Variants in CDK10 observed in about 807,000 individuals in gnomAD.
CDK10 encodes the protein cyclin dependent kinase 10.
A neutral mutation model predicts 51.0 loss-of-function variants in CDK10; 55 were observed. The ratio of observed to expected loss-of-function variants is 1.08; its 90% CI spans 0.87 to 1.35. The LOEUF (loss-of-function observed/expected upper bound fraction) is 1.35. Ranked by LOEUF, CDK10 falls within the 40% of genes most tolerant of loss-of-function variation. The pLI, the probability that CDK10 is intolerant of heterozygous loss-of-function variation, is 0.00. For missense variants in CDK10, 589 were observed against 485.1 expected, an observed-to-expected ratio of 1.21 and a Z score of -2.01; for synonymous variants, 255 against 199.1, an observed-to-expected ratio of 1.28 and a Z score of -2.36.
intron 8 of CDK10, 153 bp from the exon 9 acceptor site, chr16:89,694,020 T>C (rs943283888): frequency 5.5e-6 from 4 of 725,328 alleles, no homozygotes; most frequent in African/African-American, 5.3e-5. Flanking sequence ...TTGCTGTGTG[T>C]GCCACCTGGA....
At position 89,695,236 on chromosome 16, in the gene CDK10, G is replaced by A. The variant is rs562331326; in HGVS notation, c.933-57G>A. 8 of 1,569,378 alleles carry A rather than the reference G, an allele frequency of 5.1e-6. No individual in the cohort carries two copies. The East Asian group carries it at 1.6e-4, about 31-fold the overall frequency. ...TTTGAATCACAGGCTGCTCAGCTGGGTGGGAGGTGAGGAAGCCGCACTCAC... is the reference window on the plus strand; with the variant it reads ...TTTGAATCACAGGCTGCTCAGCTGGATGGGAGGTGAGGAAGCCGCACTCAC... On this transcript the variant is annotated intron_variant, in intron 11 of 12. Transcript: ENST00000353379.
At chr16:89,691,665 C>T (rs2060456885) in intron 4 of CDK10, 120 bp downstream of exon 4, 4 of 1,200,598 alleles carry the variant, frequency 3.3e-6, no homozygotes, top group Non-Finnish European at 4.9e-6. Flanking sequence ...AGAGATGACC[C>T]CACCTCACCG....
intron 8 of CDK10, 112 bp from the exon 9 acceptor site, chr16:89,694,061 A>C: frequency 2.8e-6 from 3 of 1,061,076 alleles, no homozygotes; most frequent in Non-Finnish European, 4.4e-6. Context: ...GGGTGGTCCG[A>C]GTTGGGACAG....
rs977579406 is a variant in CDK10 at position 89,695,580 on chromosome 16, C to T, written c.986-15C>T. 5 of 1,596,402 alleles carry T rather than the reference C, an allele frequency of 3.1e-6. No homozygotes were observed. The highest frequency in any genetic ancestry group is 4.3e-6 in the Non-Finnish European group (5 of 1,173,502). ...GGGCCCTGCCCCGCCCAGCACTGAA[C>T]CCTTCTCCCTGCAGCCTGTGAGCCG... On this transcript the variant is annotated splice_polypyrimidine_tract_variant and intron_variant, in intron 12 of 12. Transcript: ENST00000353379.
rs1433921472 is a variant in CDK10, at chr16:89,695,047, G to A, written c.909G>A (p.Leu303=). ...SEAGLRLLHF[L]FMYDPKKRAT... ...CCGGGCTGCGCCTGCTGCACTTCCT[G>A]TTCATGTACGACCCTAAGAAAAGGT... The change falls in exon 11 of 13, where the codon CTG becomes CTA. Residue 303 remains leucine, a synonymous_variant. Transcript: ENST00000353379. The A allele has an allele frequency of 4.3e-6, 7 of 1,612,996 alleles. No homozygotes were observed. Among genetic ancestry groups the A allele is most frequent in the East Asian group, 2.2e-5 (1 of 44,892 alleles).
chr16:89,693,786 T>G (rs1230748093), intron 8 of CDK10: 12 of 544,788 alleles, frequency 2.2e-5, no homozygotes, highest in Non-Finnish European at 3.6e-5. Context: ...GCAGCTTGCA[T>G]GCTTTCCCTG....
chr16:89,690,222 T>G (rs1209507470), intron 2 of CDK10: 3 of 333,414 alleles, frequency 9.0e-6, no homozygotes, highest in African/African-American at 6.2e-5. Flanking sequence ...CTTATTTGCT[T>G]TTAGGACATT....
intron 1 of CDK10, among the ~76,000 whole-genome samples, chr16:89,687,984 G>T (rs1429284618): frequency 6.6e-6 from 1 of 151,940 alleles, no homozygotes; most frequent in East Asian, 1.9e-4. Flanking sequence ...GGCTGAGGTG[G>T]GAGGATTGCT....
chr16:89,686,913 G>A, intron 1 of CDK10, 116 bp downstream of exon 1: 1 of 874,028 alleles, frequency 1.1e-6, no homozygotes, highest in African/African-American at 1.8e-5. Flanking sequence ...GGGCGGGAAC[G>A]ACAGTCCCAG....
chr16:89,689,603 C>G (rs1314589673), intron 2 of CDK10: 1 of 388,940 alleles, frequency 2.6e-6, no homozygotes, highest in African/African-American at 2.1e-5. Context: ...ACAGAACTTT[C>G]CAGAAGCAGC....
chr16:89,691,818 G>T lies in CDK10; in HGVS notation c.348G>T (p.Val116=). The T allele has an allele frequency of 6.2e-7, 1 of 1,614,018 alleles. No individual in the cohort carries two copies. The highest frequency in any genetic ancestry group is 8.5e-7 in the Non-Finnish European group (1 of 1,179,958). The change falls in exon 5 of 13, where the codon GTG becomes GTT. Residue 116 remains valine (V), a synonymous_variant. Coordinates refer to ENST00000353379, the MANE Select transcript of CDK10 (RefSeq NM_052988.5). ...CTGTTTCTTCCAGCATCTTCCTGGT[G>T]ATGGGTTACTGTGAGCAGGACCTGG... ...VGNHLESIFL[V]MGYCEQDLAS... is the part of the protein sequence containing the mutation.
At position 89,694,948 on chromosome 16, in the gene CDK10, A is replaced by C. The variant is rs1371712179; in HGVS notation, c.810A>C (p.Pro270=). 2.5e-6 allele frequency: 4 copies of C among 1,612,668 alleles called. No homozygotes were observed. The highest frequency in any genetic ancestry group is 2.5e-6 in the Non-Finnish European group (3 of 1,179,950). Residue 270 remains proline, a synonymous_variant, in exon 11 of 13, where the codon CCA becomes CCC. Coordinates refer to ENST00000353379, the MANE Select transcript of CDK10 (RefSeq NM_052988.5). The part of the protein sequence containing the change: ...ENIWPGFSKL[P]LVGQYSLRKQ... ...TCCCATAGGGCTTTTCCAAGCTGCCACTGGTCGGCCAGTACAGCCTCCGGA... is the reference window on the plus strand; with the variant it reads ...TCCCATAGGGCTTTTCCAAGCTGCCCCTGGTCGGCCAGTACAGCCTCCGGA...
In CDK10 at chr16:89,693,294, T is replaced by C. The variant is rs952547483; in HGVS notation, c.506T>C (p.Leu169Ser). The C allele has an allele frequency of 6.2e-7, 1 of 1,614,174 alleles. No homozygotes were observed. Among genetic ancestry groups the C allele is most frequent in the Non-Finnish European group, 8.5e-7 (1 of 1,180,036 alleles). ...IIHRDLKVSN[L>S]LMTDKGCVKT... ...CACAGGGACCTGAAGGTTTCCAACT[T>C]GCTCATGACCGACAAGGGTTGTGTG... Residue 169 changes from leucine (L) to serine (S), a missense_variant, in exon 7 of 13, where the codon TTG becomes TCG. By Grantham distance (145) the Leu-to-Ser change is moderately radical. Coordinates refer to ENST00000353379, the MANE Select transcript of CDK10 (RefSeq NM_052988.5).
chr16:89,690,715 T>C (rs1382003258), intron 3 of CDK10, 91 bp downstream of exon 3: 11 of 1,156,326 alleles, frequency 9.5e-6, no homozygotes, highest in South Asian at 2.4e-5. Context: ...GACTGCACGG[T>C]GCTTGTAGCG....
chr16:89,694,093 C>T (rs1258563296), intron 8 of CDK10, 80 bp from the exon 9 acceptor site: 11 of 1,433,578 alleles, frequency 7.7e-6, no homozygotes. Context: ...ACCACAGGCT[C>T]TCGGGGAGGC....
intron 12 of CDK10, 117 bp from the exon 13 acceptor site, chr16:89,695,478 A>AT: frequency 2.1e-6 from 3 of 1,455,300 alleles, no homozygotes; most frequent in Non-Finnish European, 2.8e-6. Context: ...GGACAGGGGC[A>AT]TGTGGAGGCA....
At position 89,691,549 on chromosome 16, in the gene CDK10, C is replaced by T. The variant is rs370747969; in HGVS notation, c.335+4C>T. The T allele has an allele frequency of 7.6e-5, 122 of 1,608,006 alleles. No homozygotes were observed. The highest frequency in any genetic ancestry group is 9.9e-5 in the Non-Finnish European group (116 of 1,174,948). On this transcript the variant is annotated splice_donor_region_variant and intron_variant, in intron 4 of 12. Coordinates refer to ENST00000353379, the MANE Select transcript of CDK10 (RefSeq NM_052988.5). ...TTGTGGGGAACCACCTGGAGAGGTACGTGGTCTCCTGGTCTGCACATTGGG... is the reference window on the plus strand; with the variant it reads ...TTGTGGGGAACCACCTGGAGAGGTATGTGGTCTCCTGGTCTGCACATTGGG...
chr16:89,689,473 T>A (rs1009516017), intron 2 of CDK10, 149 bp downstream of exon 2: 1 of 660,620 alleles, frequency 1.5e-6, no homozygotes, highest in Non-Finnish European at 2.8e-6. Context: ...GAACTTCAAT[T>A]CCTGATGTAG....
In CDK10 at chr16:89,694,194, G is replaced by T; in HGVS notation, c.630G>T (p.Leu210=). The T allele has an allele frequency of 6.2e-7, 1 of 1,614,122 alleles. No individual in the cohort carries two copies. Among genetic ancestry groups the T allele is most frequent in the East Asian group, 2.2e-5 (1 of 44,868 alleles). The change falls in exon 9 of 13, where the codon CTG becomes CTT. Residue 210 remains leucine (L), a synonymous_variant. Transcript: ENST00000353379. ...VTLWYRAPEL[L]LGTTTQTTSI... is the part of the protein sequence containing the mutation. ...GTAGGTACCGAGCCCCTGAACTGCT[G>T]TTGGGAACCACCACGCAGACCACCA...
Sources: allele counts gnomAD v4.1 joint callset (sites outside exome capture counted in the v4.1 genomes callset), GRCh38; gene constraint gnomAD v4.1.1; transcripts MANE v1.5; gene names NCBI Gene and HGNC (gene_info 2026-07-23, HGNC 2026-07-21).